The following GRIA1 variants were observed in gnomAD, a reference collection of about 807,000 sequenced individuals.
GRIA1 encodes glutamate receptor 1.
GRIA1 carries 31 observed loss-of-function variants against 99.2 expected under a neutral mutation model. The observed-to-expected ratio is 0.31, with a 90% CI of 0.23 to 0.42. The LOEUF (loss-of-function observed/expected upper bound fraction) is 0.42. GRIA1 is among the 10% of genes least tolerant of loss of function. The pLI, the probability that GRIA1 is intolerant of heterozygous loss-of-function variation, is 1.00. For missense variants in GRIA1, 782 were observed against 1,157.5 expected (o/e 0.68, Z 4.71); for synonymous variants, 438 against 432.4 (o/e 1.01, Z -0.16).
rs1294040020 is a variant in GRIA1, at chr5:153,519,780, T to G, written c.220+25715T>G. ...CATATCAGACCATATTGCCATGTGTTGAAGATTATTATATAATGATAATAA... is the reference window on the plus strand; with the variant it reads ...CATATCAGACCATATTGCCATGTGTGGAAGATTATTATATAATGATAATAA... On this transcript the variant is annotated intron_variant, in intron 2 of 15. Transcript: ENST00000285900. Among the ~76,000 whole-genome samples, 7 of 152,298 alleles carry G rather than the reference T, an allele frequency of 4.6e-5. No homozygotes were observed. In the East Asian group the frequency reaches 1.2e-3, roughly 25 times the overall value.
At chr5:153,776,158 T>C (rs1764239956) in intron 13 of GRIA1, among the ~76,000 whole-genome samples, 1 of 152,052 alleles carries the variant, frequency 6.6e-6, no homozygotes, top group Admixed American at 6.6e-5. Flanking sequence ...GGGAAGGAAG[T>C]CATTTAGAAA....
chr5:153,498,645 A>T (rs928678782), intron 2 of GRIA1, among the ~76,000 whole-genome samples: 2 of 152,180 alleles, frequency 1.3e-5, no homozygotes, highest in Non-Finnish European at 2.9e-5. Context: ...TGGCTCATCA[A>T]CTTCAGAGTT....
At chr5:153,572,902 C>A (rs148824545) in intron 2 of GRIA1, among the ~76,000 whole-genome samples, 2 of 152,260 alleles carry the variant, frequency 1.3e-5, no homozygotes, top group South Asian at 2.1e-4. Context: ...GGGAGGCATG[C>A]GAGAAATATT....
chr5:153,653,301 G>T (rs564910559), intron 4 of GRIA1, among the ~76,000 whole-genome samples: 59 of 152,278 alleles, frequency 3.9e-4, no homozygotes, highest in African/African-American at 1.2e-3. Flanking sequence ...GGCATGTCAG[G>T]AGGCCCAGAG....
chr5:153,755,926 G>T (rs1223807325), intron 11 of GRIA1, among the ~76,000 whole-genome samples: 4 of 152,226 alleles, frequency 2.6e-5, no homozygotes, highest in African/African-American at 9.6e-5. Context: ...AAACAACTTT[G>T]TTCCTCAAAG....
intron 2 of GRIA1, among the ~76,000 whole-genome samples, chr5:153,528,570 A>C (rs1757818655): frequency 6.6e-6 from 1 of 152,162 alleles, no homozygotes; most frequent in Non-Finnish European, 1.5e-5. Flanking sequence ...CATTTCTACC[A>C]AGTTCCAGGT....
intron 2 of GRIA1, among the ~76,000 whole-genome samples, chr5:153,502,728 G>A (rs1561590388): frequency 2.0e-5 from 3 of 152,194 alleles, no homozygotes; most frequent in African/African-American, 7.2e-5. Context: ...AAATGAGGCA[G>A]TTGGAGGCTA....
At position 153,727,911 on chromosome 5, in the gene GRIA1, G is replaced by C. The variant is rs921249824; in HGVS notation, c.1823+21844G>C. Among the ~76,000 whole-genome samples, 2 of 150,208 alleles carry C rather than the reference G, an allele frequency of 1.3e-5. 1 individual carries two copies. Among genetic ancestry groups the C allele is most frequent in the African/African-American group, 4.9e-5 (2 of 40,692 alleles). On this transcript the variant is annotated intron_variant, in intron 11 of 15. Transcript: ENST00000285900. ...AAAGTTCATATGGAACCAAAAAAGAGCCCGCATCGCCAAGTCAATCCTAAG... is the reference window on the plus strand; with the variant it reads ...AAAGTTCATATGGAACCAAAAAAGACCCCGCATCGCCAAGTCAATCCTAAG...
intron 2 of GRIA1, among the ~76,000 whole-genome samples, chr5:153,613,099 G>A (rs536630963): frequency 1.2e-4 from 18 of 152,230 alleles, no homozygotes; most frequent in Admixed American, 3.3e-4. Flanking sequence ...TTGGACTAAA[G>A]CTCCTTTTTC....
rs1342768420 is a variant in GRIA1 at position 153,713,754 on chromosome 5, G to GAGAGAT, written c.1823+7688_1823+7693dup. On this transcript the variant is annotated intron_variant, in intron 11 of 15. Coordinates refer to ENST00000285900, the MANE Select transcript of GRIA1 (RefSeq NM_000827.4). ...TATACTTTGAACATTTTAATTGACG[G>GAGAGAT]AGAGATTTGTTTTCTCCAAAATTAC... is the stretch of plus-strand genomic sequence containing the variant. Among the ~76,000 whole-genome samples, 8 of 152,322 alleles carry GAGAGAT rather than the reference G, an allele frequency of 5.3e-5. No individual in the cohort carries two copies. The East Asian group carries it at 1.3e-3, about 26-fold the overall frequency.
Position 153,686,286 on chromosome 5 carries a change from A to T in GRIA1, c.1091A>T (p.Tyr364Phe). 1.2e-6 allele frequency: 2 copies of T among 1,613,978 alleles called. No individual in the cohort carries two copies. Among genetic ancestry groups the T allele is most frequent in the South Asian group, 2.2e-5 (2 of 91,082 alleles). ...QFNEKGRRTN[Y>F]TLHVIEMKHD... ...AATGAGAAAGGACGCCGGACCAACTACACGCTCCACGTGATTGAAATGAAA... is the reference window on the plus strand; with the variant it reads ...AATGAGAAAGGACGCCGGACCAACTTCACGCTCCACGTGATTGAAATGAAA... Residue 364 changes from tyrosine (Y) to phenylalanine (F), a missense_variant, in exon 8 of 16, where the codon TAC becomes TTC. Tyr to Phe is a conservative substitution (Grantham distance 22, BLOSUM62 3). Coordinates refer to ENST00000285900, the MANE Select transcript of GRIA1 (RefSeq NM_000827.4).
intron 11 of GRIA1, among the ~76,000 whole-genome samples, chr5:153,714,736 T>C (rs541944470): frequency 1.3e-5 from 2 of 152,354 alleles, no homozygotes; most frequent in South Asian, 4.1e-4. Context: ...CCTGATGGTT[T>C]TGAATATGAG....
At chr5:153,632,710 T>C (rs1483193312) in intron 2 of GRIA1, among the ~76,000 whole-genome samples, 1 of 152,200 alleles carries the variant, frequency 6.6e-6, no homozygotes, top group Admixed American at 6.5e-5. Flanking sequence ...AAACCGTTAT[T>C]GAACATCTAC....
At chr5:153,677,201 C>T in intron 7 of GRIA1, 40 bp downstream of exon 7, 1 of 1,353,960 alleles carries the variant, frequency 7.4e-7, no homozygotes, top group Non-Finnish European at 9.6e-7. Flanking sequence ...TAGGAGCCTA[C>T]TGGGGGATTT....
intron 2 of GRIA1, among the ~76,000 whole-genome samples, chr5:153,575,134 C>G (rs543904119): frequency 6.6e-6 from 1 of 151,962 alleles, no homozygotes; most frequent in Admixed American, 6.6e-5. Flanking sequence ...CTGCAATGGT[C>G]TCTTGGTCTC....
chr5:153,540,203 A>T (rs17517444), intron 2 of GRIA1, among the ~76,000 whole-genome samples: 70,741 of 152,112 alleles, frequency 0.47, 18,175 homozygotes, highest in Non-Finnish European at 0.59. Context: ...AGGGCCAGCC[A>T]GATCGGGCAA....
intron 6 of GRIA1, among the ~76,000 whole-genome samples, chr5:153,675,958 G>A (rs1040701186): frequency 9.9e-5 from 15 of 151,230 alleles, no homozygotes; most frequent in Admixed American, 6.6e-4. Flanking sequence ...CCGAGTTCAC[G>A]CCATTCTCCT....
intron 2 of GRIA1, among the ~76,000 whole-genome samples, chr5:153,500,610 TAC>T (rs35636352): frequency 0.12 from 13,966 of 119,744 alleles, 904 homozygotes; most frequent in Admixed American, 0.26. Context: ...CCCTCTTACA[TAC>T]ACACACACAC....
intron 1 of GRIA1, chr5:153,491,244 G>A: frequency 3.8e-6 from 5 of 1,320,614 alleles, no homozygotes; most frequent in Middle Eastern, 2.9e-4. Flanking sequence ...TCGCTTTGGA[G>A]GAAAAAAAAA....
Sources: allele counts gnomAD v4.1 joint callset (sites outside exome capture counted in the v4.1 genomes callset), GRCh38; gene constraint gnomAD v4.1.1; transcripts MANE v1.5; gene names NCBI Gene and HGNC (gene_info 2026-07-23, HGNC 2026-07-21).